The following PRSS48 variants were observed in gnomAD, a reference collection of about 807,000 sequenced individuals.
PRSS48 encodes epidermis-specific serine protease-like protein.
PRSS48 carries 21 observed loss-of-function variants against 25.6 expected under a neutral mutation model. That is an observed-to-expected ratio of 0.82 (90% CI 0.58 to 1.18). PRSS48 has a LOEUF of 1.18. PRSS48 is among the 50% of genes most tolerant of loss of function. The pLI, the probability that PRSS48 is intolerant of heterozygous loss-of-function variation, is 0.00. For synonymous variants in PRSS48, 150 were observed against 149.3 expected, an observed-to-expected ratio of 1.00 and a Z score of -0.04; for missense variants, 373 against 399.3, an observed-to-expected ratio of 0.93 and a Z score of 0.56.
chr4:151,291,744 T>C (rs1775354223), downstream of PRSS48, among the ~76,000 whole-genome samples: 1 of 152,156 alleles, frequency 6.6e-6, no homozygotes, highest in African/African-American at 2.4e-5. Flanking sequence ...ACAAATTAAA[T>C]AGCTACTACA....
intron 3 of PRSS48, 144 bp downstream of exon 3, chr4:151,282,557 A>G (rs916482284): frequency 1.2e-6 from 1 of 827,620 alleles, no homozygotes; most frequent in African/African-American, 1.7e-5. Context: ...AAGTTTTTAA[A>G]TAAAATATCT....
intron 4 of PRSS48, among the ~76,000 whole-genome samples, chr4:151,284,651 T>A (rs1358363662): frequency 6.6e-6 from 1 of 152,238 alleles, no homozygotes; most frequent in African/African-American, 2.4e-5. Context: ...GTTGTTTTGT[T>A]TACTTTAATA....
chr4:151,291,212 C>T (rs1197786824), exon 5 of PRSS48: 1 of 1,613,790 alleles, frequency 6.2e-7, no homozygotes, highest in East Asian at 2.2e-5. Flanking sequence ...AAATCTCTTC[C>T]TGGAGTCTAC....
At position 151,280,799 on chromosome 4, in the gene PRSS48, A is replaced by C. The variant is rs1774149492; in HGVS notation, c.215+841A>C. Among the ~76,000 whole-genome samples the C allele has an allele frequency of 3.9e-5, 6 of 152,256 alleles. No individual in the cohort carries two copies. In the South Asian group the frequency reaches 1.2e-3, roughly 32 times the overall value. Reference sequence around the variant, plus strand: ...AGTGAGACCCTGTCTCTAAAAAAAAAATTAAGTTTAAAAAAAAACTCAAAG... The same window carrying C: ...AGTGAGACCCTGTCTCTAAAAAAAACATTAAGTTTAAAAAAAAACTCAAAG... On this transcript the variant is annotated intron_variant, in intron 2 of 4. Transcript: ENST00000455694.
intron 2 of PRSS48, among the ~76,000 whole-genome samples, chr4:151,280,740 A>G (rs182855160): frequency 6.6e-6 from 1 of 152,166 alleles, no homozygotes; most frequent in Non-Finnish European, 1.5e-5. Flanking sequence ...GCAGTGACCT[A>G]TGATTGTACC....
intron 1 of PRSS48, among the ~76,000 whole-genome samples, chr4:151,277,790 C>T (rs1052726026): frequency 1.3e-5 from 2 of 152,158 alleles, no homozygotes; most frequent in Admixed American, 1.3e-4. Flanking sequence ...CCTGTAATCC[C>T]AGCACTTTGG....
chr4:151,281,960 G>C (rs1774276984), intron 2 of PRSS48, among the ~76,000 whole-genome samples, 188 bp from the exon 3 acceptor site: 1 of 152,036 alleles, frequency 6.6e-6, no homozygotes, highest in African/African-American at 2.4e-5. Context: ...AGAAAGAGTG[G>C]TCAGGGAAGG....
At chr4:151,291,093 T>C (rs1245117374) in intron 4 of PRSS48, 25 bp from the exon 5 acceptor site, 2 of 1,549,962 alleles carry the variant, frequency 1.3e-6, no homozygotes, top group Non-Finnish European at 1.8e-6. Flanking sequence ...TTCACTATGC[T>C]CATTACCTTT....
intron 1 of PRSS48, among the ~76,000 whole-genome samples, chr4:151,278,308 AC>A (rs1353802459): frequency 6.6e-6 from 1 of 151,888 alleles, no homozygotes; most frequent in Admixed American, 6.6e-5. Flanking sequence ...TCACTCTGTC[AC>A]CCAGGTTAGA....
Position 151,283,095 on chromosome 4 carries a change from TTGTTCC to T in PRSS48, c.482-18_482-13del, listed in dbSNP as rs542504024. 1.9e-5 allele frequency: 30 copies of T among 1,611,882 alleles called. No homozygotes were observed. In the East Asian group the frequency reaches 6.7e-4, roughly 36 times the overall value. On this transcript the variant is annotated splice_polypyrimidine_tract_variant and intron_variant, in intron 3 of 4. Transcript: ENST00000455694. ...CACTTTTCTAGGTTGCTTTAATCTTTTGTTCCTGTCTTCCTCCACAGATAGAGATTA... is the reference window on the plus strand; with the variant it reads ...CACTTTTCTAGGTTGCTTTAATCTTTTGTCTTCCTCCACAGATAGAGATTA...
intron 2 of PRSS48, among the ~76,000 whole-genome samples, chr4:151,280,959 C>G (rs534633770): frequency 6.6e-6 from 1 of 152,128 alleles, no homozygotes; most frequent in South Asian, 2.1e-4. Context: ...AAAATGTTAC[C>G]TCTCATGCAC....
chr4:151,285,745 T>C lies in PRSS48; in HGVS notation c.651+2459T>C, dbSNP rs370252089. ...TAGCTGGGTATGGTGCACAAGCCTG[T>C]AGTCCCAGCTACTTAGGAGACTGGG... On this transcript the variant is annotated intron_variant, in intron 4 of 4. Transcript: ENST00000455694. Among the ~76,000 whole-genome samples the C allele has an allele frequency of 8.5e-5, 13 of 152,068 alleles. No homozygotes were observed. The East Asian group carries it at 2.5e-3, about 29-fold the overall frequency.
chr4:151,290,732 C>T (rs994237374), intron 4 of PRSS48, among the ~76,000 whole-genome samples: 21 of 152,128 alleles, frequency 1.4e-4, no homozygotes, highest in South Asian at 6.2e-4. Context: ...AGACTACTAC[C>T]AACAACTATC....
At chr4:151,288,897 G>C (rs1262098159) in intron 4 of PRSS48, among the ~76,000 whole-genome samples, 2 of 152,158 alleles carry the variant, frequency 1.3e-5, no homozygotes, top group Non-Finnish European at 2.9e-5. Flanking sequence ...AAATTGGCAA[G>C]CTGATCCTAA....
chr4:151,284,985 G>A (rs1448025159), intron 4 of PRSS48, among the ~76,000 whole-genome samples: 1 of 152,130 alleles, frequency 6.6e-6, no homozygotes, highest in African/African-American at 2.4e-5. Context: ...CAACTGCTAA[G>A]GTAGCTCTGA....
chr4:151,279,552 A>G (rs1407176129), intron 1 of PRSS48, among the ~76,000 whole-genome samples: 1 of 152,168 alleles, frequency 6.6e-6, no homozygotes, highest in Non-Finnish European at 1.5e-5. Context: ...TGTTAATGAT[A>G]CCCTATTTCT....
intron 4 of PRSS48, among the ~76,000 whole-genome samples, chr4:151,284,970 C>T (rs960631630): frequency 1.3e-5 from 2 of 152,186 alleles, no homozygotes; most frequent in African/African-American, 4.8e-5. Flanking sequence ...TTTCCCTGCA[C>T]TTTCCAACTG....
chr4:151,280,652 G>C (rs145363624), intron 2 of PRSS48, among the ~76,000 whole-genome samples: 1,560 of 152,226 alleles, frequency 0.01, 21 homozygotes, highest in Middle Eastern at 0.014. Context: ...TAAGCCAGGT[G>C]TGGCAGCTTG....
exon 4 of PRSS48, chr4:151,283,153 T>C (rs1561429346): frequency 6.2e-7 from 1 of 1,613,908 alleles, no homozygotes; most frequent in Non-Finnish European, 8.5e-7. Context: ...GAAGCAGAAG[T>C]ACCCATTATT....
Sources: gnomAD v4.1 joint callset for allele counts (sites outside exome capture counted in the v4.1 genomes callset) on GRCh38, gnomAD v4.1.1 for gene constraint, MANE v1.5 for transcripts, NCBI Gene and HGNC (gene_info 2026-07-23, HGNC 2026-07-21) for gene names.